The following DNAJC2 variants were observed in gnomAD, a reference collection of about 807,000 sequenced individuals.
The protein encoded by DNAJC2 is DnaJ heat shock protein family (Hsp40) member C2.
Under a neutral mutation model 94.0 loss-of-function variants are expected in DNAJC2, and 32 were observed. The ratio of observed to expected loss-of-function variants is 0.34; its 90% CI spans 0.26 to 0.46. DNAJC2 has a LOEUF of 0.46. DNAJC2 is among the 20% of genes least tolerant of loss of function. The probability of loss-of-function intolerance (pLI) is 1.00; values close to 1 mark genes in which losing one functional copy is unlikely to be tolerated. For missense variants in DNAJC2, 550 were observed against 719.5 expected (o/e 0.76, Z 2.69); for synonymous variants, 210 against 229.7 (o/e 0.91, Z 0.77).
chr7:103,326,137 G>A (rs1196767869), intron 5 of DNAJC2, among the ~76,000 whole-genome samples: 1 of 151,792 alleles, frequency 6.6e-6, no homozygotes, highest in African/African-American at 2.4e-5. Flanking sequence ...CACCTCCACG[G>A]CCAGCTAATT....
intron 5 of DNAJC2, among the ~76,000 whole-genome samples, chr7:103,325,555 C>A (rs1372636800): frequency 5.9e-5 from 9 of 151,870 alleles, no homozygotes; most frequent in Admixed American, 4.6e-4. Flanking sequence ...TTTGGCTGCA[C>A]AGAAGAATCA....
At chr7:103,341,519 G>T (rs546029537) in intron 2 of DNAJC2, among the ~76,000 whole-genome samples, 1 of 152,246 alleles carries the variant, frequency 6.6e-6, no homozygotes, top group East Asian at 1.9e-4. Context: ...TTCACTAATT[G>T]CTGCCTGTCC....
chr7:103,319,876 A>T (rs776525510), intron 10 of DNAJC2, 32 bp from the exon 11 acceptor site: 1 of 1,599,922 alleles, frequency 6.3e-7, no homozygotes. Context: ...TAGTATCTAC[A>T]CTCAAAAATA....
chr7:103,317,252 G>C, intron 12 of DNAJC2: 1 of 453,466 alleles, frequency 2.2e-6, no homozygotes, highest in Non-Finnish European at 3.9e-6. Flanking sequence ...CAGTACTCAT[G>C]TCATGTGACT....
At chr7:103,331,182 T>G (rs928115392) in intron 3 of DNAJC2, among the ~76,000 whole-genome samples, 7 of 152,144 alleles carry the variant, frequency 4.6e-5, no homozygotes, top group African/African-American at 1.7e-4. Context: ...GGTCTTGAAC[T>G]CCTGACCTCA....
intron 16 of DNAJC2, 25 bp downstream of exon 16, chr7:103,312,922 A>G (rs1282096186): frequency 8.2e-6 from 13 of 1,593,802 alleles, no homozygotes; most frequent in South Asian, 2.3e-5. Context: ...AAATACAACA[A>G]TCTATAAACG....
chr7:103,323,222 G>A (rs549336702), intron 7 of DNAJC2, among the ~76,000 whole-genome samples: 3 of 152,184 alleles, frequency 2.0e-5, no homozygotes, highest in Non-Finnish European at 2.9e-5. Flanking sequence ...GAGCCAGCAC[G>A]CCCGGCCTAA....
At chr7:103,339,516 A>T (rs187825677) in intron 2 of DNAJC2, among the ~76,000 whole-genome samples, 163 of 152,082 alleles carry the variant, frequency 1.1e-3, no homozygotes, top group African/African-American at 3.8e-3. Context: ...ATCACTCTTC[A>T]TTCACTGTAA....
chr7:103,312,826 A>T lies in DNAJC2; in HGVS notation c.1791+121T>A, dbSNP rs1361040330. The stretch of plus-strand genomic sequence containing the variant: ...ATTTCTTCCTCATAATATTGACCCC[A>T]TAACTACTGGTTTTGAAATAAGCAC... On this transcript the variant is annotated intron_variant, in intron 16 of 16. Transcript: ENST00000379263. 6 of 1,522,290 alleles carry T rather than the reference A, an allele frequency of 3.9e-6. No individual in the cohort carries two copies. In the East Asian group the frequency reaches 9.0e-5, roughly 23 times the overall value. The allele number at this position is 1,522,290 out of a possible 1,614,324, so 94.3% of individuals were successfully genotyped here. A position where few individuals can be genotyped will look rare whatever the true frequency, so the allele number is the denominator to read the frequency against.
chr7:103,342,584 C>T (rs1354565373), intron 1 of DNAJC2, among the ~76,000 whole-genome samples: 3 of 150,994 alleles, frequency 2.0e-5, no homozygotes, highest in Non-Finnish European at 4.4e-5. Context: ...GCATTACAGG[C>T]GTGAGCCACT....
chr7:103,326,758 C>A, intron 4 of DNAJC2, 74 bp from the exon 5 acceptor site: 1 of 1,401,906 alleles, frequency 7.1e-7, no homozygotes. Context: ...AAGTATTTCC[C>A]TCCTTAAAAC....
chr7:103,342,746 C>A (rs1376888098), intron 1 of DNAJC2, among the ~76,000 whole-genome samples: 1 of 147,982 alleles, frequency 6.8e-6, no homozygotes, highest in South Asian at 2.2e-4. Context: ...GTAGCTGGGA[C>A]TACAGGCACC....
chr7:103,333,950 CAT>C (rs1563471258), intron 3 of DNAJC2, among the ~76,000 whole-genome samples: 3 of 148,752 alleles, frequency 2.0e-5, no homozygotes, highest in Non-Finnish European at 3.0e-5. Context: ...CTGTTGTGAA[CAT>C]TTTTTTTTTT....
At chr7:103,340,622 G>A (rs10258184) in intron 2 of DNAJC2, among the ~76,000 whole-genome samples, 1,782 of 152,256 alleles carry the variant, frequency 0.012, 32 homozygotes, top group African/African-American at 0.041. Flanking sequence ...TCCCAAGGTC[G>A]AAGTGCACCA....
In DNAJC2 at chr7:103,323,614, TTTC is replaced by T. The variant is rs766405333; in HGVS notation, c.700_702del (p.Glu234del). 10 of 1,469,400 alleles carry T rather than the reference TTTC, an allele frequency of 6.8e-6. No homozygotes were observed. The highest frequency in any genetic ancestry group is 1.4e-5 in the African/African-American group (1 of 71,602). The allele number at this position is 1,469,400 out of a possible 1,614,324, so 91.0% of individuals were successfully genotyped here. ...CATACATACCATTCTGCTTTTTCTTTTTCTTCTTCATCTAAATAAGAAAATTCT... is the reference window on the plus strand; with the variant it reads ...CATACATACCATTCTGCTTTTTCTTTTTCTTCATCTAAATAAGAAAATTCT... On this transcript the variant is annotated inframe_deletion, in exon 7 of 17. Coordinates refer to ENST00000379263, the MANE Select transcript of DNAJC2 (RefSeq NM_014377.3).
At position 103,319,651 on chromosome 7, in the gene DNAJC2, T is replaced by A; in HGVS notation, c.1200A>T (p.Thr400=). Residue 400 remains threonine, a synonymous_variant, in exon 12 of 17, where the codon ACA becomes ACT. Coordinates refer to ENST00000379263, the MANE Select transcript of DNAJC2 (RefSeq NM_014377.3). ...CCTTTCCTACTTCTTTTGTGCATGA[T>A]GTGAGTGTTTCATTCAAGCACTGTA... ...ASLQCLNETL[T]SCTKEVGKAA... 1 of 1,614,080 alleles carries A rather than the reference T, an allele frequency of 6.2e-7. No individual in the cohort carries two copies. The highest frequency in any genetic ancestry group is 8.5e-7 in the Non-Finnish European group (1 of 1,180,012).
rs1250150418 is a variant in DNAJC2 at position 103,344,595 on chromosome 7, C to T, written c.28G>A (p.Gly10Ser). 3.1e-6 allele frequency: 5 copies of T among 1,612,760 alleles called. No homozygotes were observed. In the African/African-American group the frequency reaches 4.0e-5, roughly 13 times the overall value. ...GCGTGGGTGATGGCGGTGCCCCGGCCGTCCGCGGCGCTTGGCAGAAGCAGC... is the reference window on the plus strand; with the variant it reads ...GCGTGGGTGATGGCGGTGCCCCGGCTGTCCGCGGCGCTTGGCAGAAGCAGC... Reference protein sequence around the residue: MLLLPSAADGRGTAITHALT... With the variant: MLLLPSAADSRGTAITHALT... Residue 10 changes from glycine to serine, a missense_variant, in exon 1 of 17, where the codon GGC becomes AGC. Gly to Ser is a moderately conservative substitution (Grantham distance 56, BLOSUM62 0). Coordinates refer to ENST00000379263, the MANE Select transcript of DNAJC2 (RefSeq NM_014377.3).
chr7:103,328,218 G>C (rs1030036530), intron 3 of DNAJC2, among the ~76,000 whole-genome samples: 11 of 151,864 alleles, frequency 7.2e-5, no homozygotes, highest in Non-Finnish European at 1.3e-4. Context: ...CACTGAGCCC[G>C]GCTTGAAGTA....
At chr7:103,334,731 G>A (rs1386402460) in intron 3 of DNAJC2, among the ~76,000 whole-genome samples, 1 of 151,978 alleles carries the variant, frequency 6.6e-6, no homozygotes, top group Non-Finnish European at 1.5e-5. Context: ...TAACAGGGAT[G>A]AGCCACCATG....
Sources: gnomAD v4.1 joint callset for allele counts (sites outside exome capture counted in the v4.1 genomes callset) on GRCh38, gnomAD v4.1.1 for gene constraint, MANE v1.5 for transcripts, NCBI Gene and HGNC (gene_info 2026-07-23, HGNC 2026-07-21) for gene names.